The following NTRK2 variants were observed in gnomAD, a reference collection of about 807,000 sequenced individuals.
The protein encoded by NTRK2 is BDNF/NT-3 growth factors receptor.
In NTRK2, 13 loss-of-function variants were observed where a neutral mutation model predicts 94.5. The ratio of observed to expected loss-of-function variants is 0.14; its 90% confidence interval spans 0.09 to 0.22. The LOEUF (loss-of-function observed/expected upper bound fraction) is 0.22. Among genes scored for constraint, NTRK2 ranks in the 10% least tolerant of loss-of-function variants. The pLI, the probability that NTRK2 is intolerant of heterozygous loss-of-function variation, is 1.00. For missense variants in NTRK2, 639 were observed against 1,071.2 expected (o/e 0.60, Z 5.63); for synonymous variants, 372 against 407.4 (o/e 0.91, Z 1.05).
chr9:84,844,456 AC>A (rs2074356261), intron 12 of NTRK2, among the ~76,000 whole-genome samples: 1 of 151,890 alleles, frequency 6.6e-6, no homozygotes, highest in Admixed American at 6.6e-5. Flanking sequence ...GGGAAAAATG[AC>A]TCCCTATTCT....
At chr9:84,769,664 C>T (rs1417004897) in intron 12 of NTRK2, among the ~76,000 whole-genome samples, 2 of 152,174 alleles carry the variant, frequency 1.3e-5, no homozygotes, top group Admixed American at 6.5e-5. Context: ...AGGAGTTAGC[C>T]AGTGCTCTTT....
At chr9:84,923,282 A>C (rs1283728571) in intron 14 of NTRK2, among the ~76,000 whole-genome samples, 1 of 152,134 alleles carries the variant, frequency 6.6e-6, no homozygotes, top group African/African-American at 2.4e-5. Flanking sequence ...GTTGGCCCCA[A>C]TGACTCCATG....
intron 14 of NTRK2, among the ~76,000 whole-genome samples, chr9:84,891,350 C>T (rs1033221618): frequency 4.0e-5 from 6 of 148,724 alleles, no homozygotes; most frequent in South Asian, 2.1e-4. Context: ...AGAGATTATA[C>T]GAGAGCATGA....
At chr9:84,924,771 C>A (rs2077699477) in intron 14 of NTRK2, among the ~76,000 whole-genome samples, 1 of 152,146 alleles carries the variant, frequency 6.6e-6, no homozygotes, top group South Asian at 2.1e-4. Flanking sequence ...TTAAATTAAG[C>A]CTTTCTCCCT....
chr9:84,765,019 C>A (rs1454883567), intron 12 of NTRK2, among the ~76,000 whole-genome samples: 1 of 152,104 alleles, frequency 6.6e-6, no homozygotes, highest in Admixed American at 6.6e-5. Flanking sequence ...AACAATTGAA[C>A]TCATGGACAC....
In NTRK2 at chr9:84,855,138, C is replaced by G. The variant is rs144579788; in HGVS notation, c.1397-5902C>G. 9.6e-4 allele frequency among the ~76,000 whole-genome samples: 146 copies of G among 152,110 alleles called. 1 individual carries two copies. Among genetic ancestry groups the G allele is most frequent in the African/African-American group, 3.4e-3 (141 of 41,514 alleles). On this transcript the variant is annotated intron_variant, in intron 12 of 18. Coordinates refer to ENST00000277120, the MANE Select transcript of NTRK2 (RefSeq NM_006180.6). ...CTGTAGTAAGGATCAGAAGTTTATA[C>G]TAAATGCAAGGAGAAACCGTTGGAG...
intron 12 of NTRK2, among the ~76,000 whole-genome samples, chr9:84,754,099 TG>T (rs2064866877): frequency 6.6e-6 from 1 of 152,206 alleles, no homozygotes; most frequent in South Asian, 2.1e-4. Flanking sequence ...TTAGATAATT[TG>T]GGGTGATTAC....
chr9:84,944,211 T>TCACACACACACA (rs1226529948), intron 15 of NTRK2, among the ~76,000 whole-genome samples: 30 of 139,034 alleles, frequency 2.2e-4, no homozygotes, highest in African/African-American at 6.6e-4. Flanking sequence ...TCTCTCTCTC[T>TCACACACACACA]CTCTCACACA....
rs1823993486 is a variant in NTRK2, at chr9:84,955,410, G to C, written c.2065G>C (p.Val689Leu). Reference protein sequence around the residue: ...GMVYLASQHFVHRDLATRNCL... With the variant: ...GMVYLASQHFLHRDLATRNCL... ...GGTCTACCTGGCGTCCCAGCACTTC[G>C]TGCACCGCGATTTGGCCACCAGGAA... Residue 689 changes from valine (V) to leucine (L), a missense_variant, in exon 17 of 19, where the codon GTG becomes CTG. Transcript: ENST00000277120. 6.2e-7 allele frequency: 1 copy of C among 1,614,234 alleles called. No individual in the cohort carries two copies. The highest frequency in any genetic ancestry group is 8.5e-7 in the Non-Finnish European group (1 of 1,180,034).
At chr9:84,737,367 A>T (rs1419815105) in intron 9 of NTRK2, among the ~76,000 whole-genome samples, 2 of 152,260 alleles carry the variant, frequency 1.3e-5, no homozygotes, top group Non-Finnish European at 2.9e-5. Flanking sequence ...ATTTACATAA[A>T]GTCATAAGAT....
At chr9:84,985,026 G>A (rs1345117686) in intron 17 of NTRK2, among the ~76,000 whole-genome samples, 4 of 152,150 alleles carry the variant, frequency 2.6e-5, no homozygotes, top group African/African-American at 7.2e-5. Flanking sequence ...CTTTGATTAA[G>A]CTACAGATAC....
At chr9:84,867,207 G>T in intron 13 of NTRK2, 36 bp from the exon 14 acceptor site, 1 of 1,600,716 alleles carries the variant, frequency 6.2e-7, no homozygotes. Context: ...TAAAGCCATT[G>T]ATTACAGGAG....
chr9:84,752,369 G>A (rs576269020), intron 12 of NTRK2, among the ~76,000 whole-genome samples: 1 of 152,300 alleles, frequency 6.6e-6, no homozygotes, highest in South Asian at 2.1e-4. Context: ...AGTACTTGAT[G>A]TTTCTTTTGC....
intron 14 of NTRK2, among the ~76,000 whole-genome samples, chr9:84,880,322 C>G (rs935388830): frequency 3.3e-5 from 5 of 152,138 alleles, no homozygotes; most frequent in African/African-American, 1.2e-4. Context: ...ACCCACAGCT[C>G]CTGGGCAGGG....
At chr9:84,886,655 A>G (rs1441072512) in intron 14 of NTRK2, among the ~76,000 whole-genome samples, 1 of 152,166 alleles carries the variant, frequency 6.6e-6, no homozygotes, top group Non-Finnish European at 1.5e-5. Context: ...TTCCTTGAAT[A>G]TATTGCATGA....
intron 11 of NTRK2, among the ~76,000 whole-genome samples, chr9:84,746,839 TA>T: frequency 6.6e-6 from 1 of 152,336 alleles, no homozygotes; most frequent in South Asian, 2.1e-4. Flanking sequence ...TCTGAGCAGT[TA>T]TCATTGTCTG....
intron 2 of NTRK2, among the ~76,000 whole-genome samples, chr9:84,675,230 T>C (rs541610457): frequency 2.6e-4 from 40 of 152,198 alleles, no homozygotes; most frequent in African/African-American, 9.4e-4. Context: ...TCTTTGACTA[T>C]ATCTAGGTCA....
chr9:84,777,999 C>T (rs900845907), intron 12 of NTRK2, among the ~76,000 whole-genome samples: 6 of 152,190 alleles, frequency 3.9e-5, no homozygotes, highest in Non-Finnish European at 8.8e-5. Context: ...CAGTGGCTCA[C>T]GCCTGTAATG....
At chr9:84,905,287 TGTG>T in intron 14 of NTRK2, among the ~76,000 whole-genome samples, 1 of 151,796 alleles carries the variant, frequency 6.6e-6, no homozygotes, top group Non-Finnish European at 1.5e-5. Flanking sequence ...TGTGTGTGTG[TGTG>T]TGTGTGTGTG....
Sources: gnomAD v4.1 joint callset for allele counts (sites outside exome capture counted in the v4.1 genomes callset) on GRCh38, gnomAD v4.1.1 for gene constraint, MANE v1.5 for transcripts, NCBI Gene and HGNC (gene_info 2026-07-23, HGNC 2026-07-21) for gene names.